The following ROBO1 variants were observed in gnomAD, a reference collection of about 807,000 sequenced individuals.
ROBO1 encodes roundabout homolog 1.
Under a neutral mutation model 195.9 loss-of-function variants are expected in ROBO1, and 149 were observed. The observed-to-expected ratio is 0.76, with a 90% confidence interval of 0.67 to 0.87. The LOEUF (loss-of-function observed/expected upper bound fraction) is 0.87. Among genes scored for constraint, ROBO1 ranks in the 40% least tolerant of loss-of-function variants. ROBO1 has a pLI of 0.00. For missense variants in ROBO1, 1,933 were observed against 2,068.3 expected (o/e 0.93, Z 1.27); for synonymous variants, 816 against 733.2 (o/e 1.11, Z -1.82).
At chr3:78,837,189 T>C (rs1212840606) in intron 4 of ROBO1, among the ~76,000 whole-genome samples, 2 of 152,218 alleles carry the variant, frequency 1.3e-5, no homozygotes, top group African/African-American at 4.8e-5. Flanking sequence ...TTAATCATTC[T>C]AAGTTGCTAC....
intron 21 of ROBO1, among the ~76,000 whole-genome samples, chr3:78,640,279 C>T (rs1384115617): frequency 6.6e-6 from 1 of 152,006 alleles, no homozygotes; most frequent in Non-Finnish European, 1.5e-5. Context: ...TCATTTTGAC[C>T]CATTAAAAAA....
chr3:79,379,101 A>G (rs1433311449), intron 2 of ROBO1, among the ~76,000 whole-genome samples: 1 of 151,092 alleles, frequency 6.6e-6, no homozygotes, highest in Non-Finnish European at 1.5e-5. Context: ...CTAGTGGAAC[A>G]TTACACATGT....
rs114043772 is a variant in ROBO1 at position 78,906,430 on chromosome 3, A to T, written c.499+32171T>A. Among the ~76,000 whole-genome samples, 1,012 of 152,166 alleles carry T rather than the reference A, an allele frequency of 6.7e-3. 14 individuals are homozygous for T. Among genetic ancestry groups the T allele is most frequent in the African/African-American group, 0.023 (966 of 41,526 alleles). On this transcript the variant is annotated intron_variant, in intron 4 of 30. Coordinates refer to ENST00000464233, the MANE Select transcript of ROBO1 (RefSeq NM_002941.4). ...GGCCTTTATGATGCAGCTTCTCTCC[A>T]TGTTTGCCCAGTTAAGTAAACATGT...
intron 2 of ROBO1, among the ~76,000 whole-genome samples, chr3:79,321,874 A>G (rs889460827): frequency 2.0e-5 from 3 of 152,194 alleles, no homozygotes; most frequent in Non-Finnish European, 4.4e-5. Context: ...AACTATATAC[A>G]TTATTGCTCA....
chr3:78,646,263 G>A, intron 20 of ROBO1, 73 bp from the exon 21 acceptor site: 2 of 1,364,250 alleles, frequency 1.5e-6, no homozygotes, highest in East Asian at 2.3e-5. Context: ...ACATTCATGA[G>A]CTTCTTTCTA....
At chr3:78,784,615 G>A (rs958662361) in intron 4 of ROBO1, among the ~76,000 whole-genome samples, 26 of 151,852 alleles carry the variant, frequency 1.7e-4, no homozygotes, top group African/African-American at 5.3e-4. Context: ...AAAAGGACAC[G>A]TTCTTTAAGG....
intron 1 of ROBO1, among the ~76,000 whole-genome samples, chr3:79,604,306 G>A (rs1489031859): frequency 1.3e-5 from 2 of 151,966 alleles, no homozygotes; most frequent in Non-Finnish European, 2.9e-5. Context: ...ATTAAGATAT[G>A]ATCCTTATTT....
chr3:78,809,201 C>G (rs2084648368), intron 4 of ROBO1, among the ~76,000 whole-genome samples: 1 of 151,630 alleles, frequency 6.6e-6, no homozygotes, highest in East Asian at 1.9e-4. Flanking sequence ...AGACACTTTT[C>G]AAAAGAAGAT....
intron 2 of ROBO1, among the ~76,000 whole-genome samples, chr3:79,184,392 C>T (rs2081398950): frequency 6.6e-6 from 1 of 152,126 alleles, no homozygotes; most frequent in African/African-American, 2.4e-5. Flanking sequence ...ATTTCCAGTG[C>T]AGCAGACAGC....
Position 78,964,025 on chromosome 3 carries a change from G to C in ROBO1, c.173-25098C>G, listed in dbSNP as rs896972961. Among the ~76,000 whole-genome samples the C allele has an allele frequency of 2.0e-5, 3 of 152,128 alleles. No homozygotes were observed. In the East Asian group the frequency reaches 5.8e-4, roughly 29 times the overall value. On this transcript the variant is annotated intron_variant, in intron 3 of 30. Coordinates refer to ENST00000464233, the MANE Select transcript of ROBO1 (RefSeq NM_002941.4). ...GTAGGGTTGGTTATTTCTCAGGGCA[G>C]TGAGGGAGAATTTGCTCCACCTCTC... is the stretch of plus-strand genomic sequence containing the variant.
intron 16 of ROBO1, chr3:78,660,133 C>G (rs1707302999): frequency 5.6e-6 from 1 of 178,942 alleles, no homozygotes; most frequent in Non-Finnish European, 1.2e-5. Context: ...CTTGGCCAGG[C>G]TGGTCTCGAA....
At chr3:79,659,189 T>C (rs1262693605) in intron 1 of ROBO1, among the ~76,000 whole-genome samples, 1 of 152,116 alleles carries the variant, frequency 6.6e-6, no homozygotes, top group Non-Finnish European at 1.5e-5. Context: ...CATGCTTATA[T>C]TTCAAAAGAC....
At chr3:79,095,386 G>C (rs982060961) in intron 3 of ROBO1, among the ~76,000 whole-genome samples, 6 of 152,024 alleles carry the variant, frequency 3.9e-5, no homozygotes, top group African/African-American at 1.4e-4. Flanking sequence ...GGGGAAAGCT[G>C]GCTGCCATGT....
intron 2 of ROBO1, among the ~76,000 whole-genome samples, chr3:79,547,999 G>T (rs751832747): frequency 1.3e-5 from 2 of 152,128 alleles, no homozygotes; most frequent in Non-Finnish European, 2.9e-5. Context: ...TTTTACTGAT[G>T]TTGAGGACAT....
chr3:78,783,746 G>A (rs2083749744), intron 4 of ROBO1, among the ~76,000 whole-genome samples: 1 of 152,014 alleles, frequency 6.6e-6, no homozygotes, highest in Admixed American at 6.6e-5. Flanking sequence ...CCAAAACAAT[G>A]GTATAAATCA....
intron 2 of ROBO1, among the ~76,000 whole-genome samples, chr3:79,203,966 TTTC>T (rs1161968810): frequency 6.6e-6 from 1 of 152,196 alleles, no homozygotes; most frequent in African/African-American, 2.4e-5. Context: ...TTTATTTTCA[TTTC>T]TTATTTTAAA....
intron 4 of ROBO1, among the ~76,000 whole-genome samples, chr3:78,914,617 G>A (rs928073217): frequency 4.6e-5 from 7 of 150,840 alleles, no homozygotes; most frequent in African/African-American, 1.7e-4. Context: ...CACGTAACTT[G>A]CTTAGTTTCT....
At chr3:79,335,054 T>C (rs2034609314) in intron 2 of ROBO1, among the ~76,000 whole-genome samples, 1 of 152,034 alleles carries the variant, frequency 6.6e-6, no homozygotes, top group African/African-American at 2.4e-5. Flanking sequence ...GAGGTTGAGG[T>C]TGCCATGAGC....
chr3:78,996,728 A>C (rs983643301), intron 3 of ROBO1, among the ~76,000 whole-genome samples: 1 of 152,204 alleles, frequency 6.6e-6, no homozygotes, highest in Admixed American at 6.5e-5. Context: ...ACACACACAC[A>C]CACCCCTTTT....
Sources: allele counts gnomAD v4.1 joint callset (sites outside exome capture counted in the v4.1 genomes callset), GRCh38; gene constraint gnomAD v4.1.1; transcripts MANE v1.5; gene names NCBI Gene and HGNC (gene_info 2026-07-23, HGNC 2026-07-21).